PTPRN2: variants seen among roughly 807,000 people sequenced by gnomAD.
The protein encoded by PTPRN2 is protein tyrosine phosphatase receptor type N2, also known as receptor-type tyrosine-protein phosphatase N2.
A neutral mutation model predicts 118.8 loss-of-function variants in PTPRN2; 74 were observed. The ratio of observed to expected loss-of-function variants is 0.62; its 90% CI spans 0.52 to 0.76. The LOEUF is 0.76. Among genes scored for constraint, PTPRN2 ranks in the 30% least tolerant of loss-of-function variants. The pLI, the probability that PTPRN2 is intolerant of heterozygous loss-of-function variation, is 0.00. For missense variants in PTPRN2, 1,481 were observed against 1,394.4 expected, an observed-to-expected ratio of 1.06 and a Z score of -0.99; for synonymous variants, 641 against 608.0, an observed-to-expected ratio of 1.05 and a Z score of -0.80.
intron 2 of PTPRN2, among the ~76,000 whole-genome samples, chr7:158,448,687 C>T (rs538265582): frequency 1.3e-5 from 2 of 152,282 alleles, no homozygotes; most frequent in South Asian, 2.1e-4. Context: ...AAGTGTTCCC[C>T]GGGGCTCCCA....
chr7:158,450,394 G>T (rs1818015207), intron 2 of PTPRN2, among the ~76,000 whole-genome samples: 1 of 152,222 alleles, frequency 6.6e-6, no homozygotes, highest in Non-Finnish European at 1.5e-5. Flanking sequence ...ACACAACTGA[G>T]ATTCATTCTT....
In PTPRN2 at chr7:157,794,878, A is replaced by G. The variant is rs1804764070; in HGVS notation, c.1788+103795T>C. Among the ~76,000 whole-genome samples the G allele has an allele frequency of 6.6e-6, 1 of 152,260 alleles. No homozygotes were observed. The highest frequency in any genetic ancestry group is 2.1e-4 in the South Asian group (1 of 4,834). On this transcript the variant is annotated intron_variant, in intron 12 of 22. Coordinates refer to ENST00000389418, the MANE Select transcript of PTPRN2 (RefSeq NM_002847.5). This position sits in a 1 kb window ranked among gnomAD's most constrained non-coding sequence, Gnocchi z 5.2. ...TTCATATCTGCCTGCACTCATTGTCATGCTAAAGCACATCACCTCGGTCCT... is the reference window on the plus strand; with the variant it reads ...TTCATATCTGCCTGCACTCATTGTCGTGCTAAAGCACATCACCTCGGTCCT...
intron 3 of PTPRN2, among the ~76,000 whole-genome samples, chr7:158,289,349 C>T (rs1310438525): frequency 1.3e-5 from 2 of 152,162 alleles, no homozygotes; most frequent in Admixed American, 1.3e-4. Context: ...AAGCTTTCTT[C>T]ATTCCCGTTT....
At chr7:158,358,178 G>A (rs2151282350) in intron 2 of PTPRN2, among the ~76,000 whole-genome samples, 1 of 152,304 alleles carries the variant, frequency 6.6e-6, no homozygotes, top group Admixed American at 6.5e-5. Flanking sequence ...TCGGGAGGCT[G>A]CCCCAAACCA....
At chr7:157,604,155 C>T (rs1024078150) in intron 15 of PTPRN2, 80 bp from the exon 16 acceptor site, 1 of 1,325,816 alleles carries the variant, frequency 7.5e-7, no homozygotes, top group African/African-American at 1.4e-5. Context: ...TCCAGGGCCC[C>T]CCACCCAGCA....
intron 17 of PTPRN2, among the ~76,000 whole-genome samples, chr7:157,578,659 TATTCAG>T (rs1227860769): frequency 1.3e-4 from 20 of 152,256 alleles, no homozygotes; most frequent in Admixed American, 1.3e-3. Context: ...ATGGCAACAC[TATTCAG>T]ATTAAAGCAA....
intron 22 of PTPRN2, among the ~76,000 whole-genome samples, chr7:157,544,150 C>T (rs75095664): frequency 2.2e-5 from 3 of 139,180 alleles, no homozygotes; most frequent in African/African-American, 5.7e-5. Context: ...CGGAGAGAGA[C>T]GGAGAGAGGT....
At chr7:157,839,176 A>G (rs10227167) in intron 12 of PTPRN2, among the ~76,000 whole-genome samples, 32,541 of 152,248 alleles carry the variant, frequency 0.21, 6,146 homozygotes, top group African/African-American at 0.5. Flanking sequence ...AGACAGATTA[A>G]CACGTAATTG....
chr7:157,799,781 GAGTCACCACAATCGGCCTACCC>G (rs1805114533), intron 12 of PTPRN2, among the ~76,000 whole-genome samples: 1 of 146,502 alleles, frequency 6.8e-6, no homozygotes. Flanking sequence ...CCATCCCTCA[GAGTCACCACAATCGGCCTACCC>G]CGTCCCTCAG....
intron 2 of PTPRN2, among the ~76,000 whole-genome samples, chr7:158,388,403 A>G (rs1047629974): frequency 5.9e-5 from 9 of 151,898 alleles, no homozygotes; most frequent in Admixed American, 3.9e-4. Context: ...GCTGCCCACA[A>G]CCTCCTCGGG....
rs377530297 is a variant in PTPRN2 at position 157,854,095 on chromosome 7, C to T, written c.1788+44578G>A. Among the ~76,000 whole-genome samples the T allele has an allele frequency of 3.1e-3, 475 of 152,334 alleles. 3 individuals carry two copies. The highest frequency in any genetic ancestry group is 0.02 in the Middle Eastern group (6 of 294). ...TGGTGGGCGATGAATCTGCGGTTTGCGCCGCCCCGTCTGCTATGCTGTCAC... is the reference window on the plus strand; with the variant it reads ...TGGTGGGCGATGAATCTGCGGTTTGTGCCGCCCCGTCTGCTATGCTGTCAC... On this transcript the variant is annotated intron_variant, in intron 12 of 22. Coordinates refer to ENST00000389418, the MANE Select transcript of PTPRN2 (RefSeq NM_002847.5).
chr7:157,690,822 T>C lies in PTPRN2; in HGVS notation c.1789-7885A>G, dbSNP rs1462896206. On this transcript the variant is annotated intron_variant, in intron 12 of 22. Coordinates refer to ENST00000389418, the MANE Select transcript of PTPRN2 (RefSeq NM_002847.5). This position sits in a 1 kb window ranked among gnomAD's most constrained non-coding sequence, Gnocchi z 7.1. ...GCTCGGAGCCCGCAGGCGCCGGAGC[T>C]CTGCGCGGCCGCTCGGCCCAGCTCC... 6.7e-6 allele frequency among the ~76,000 whole-genome samples: 1 copy of C among 148,490 alleles called. No individual in the cohort carries two copies. The highest frequency in any genetic ancestry group is 1.5e-5 in the Non-Finnish European group (1 of 66,892).
In PTPRN2 at chr7:158,089,181, C is replaced by T. The variant is rs1263490638; in HGVS notation, c.1644-7804G>A. On this transcript the variant is annotated intron_variant, in intron 10 of 22. Coordinates refer to ENST00000389418, the MANE Select transcript of PTPRN2 (RefSeq NM_002847.5). ...GAAAGAGGGAGTCTTCACACACATCCTTCTTCCCCTGAGGAAAGGGGGAGT... is the reference window on the plus strand; with the variant it reads ...GAAAGAGGGAGTCTTCACACACATCTTTCTTCCCCTGAGGAAAGGGGGAGT... 1.1e-4 allele frequency among the ~76,000 whole-genome samples: 3 copies of T among 26,968 alleles called. 1 individual carries two copies. The highest frequency in any genetic ancestry group is 2.4e-4 in the African/African-American group (3 of 12,374). The allele number at this position is 26,968 out of a possible 152,430, so 17.7% of individuals were successfully genotyped here. A position where few individuals can be genotyped will look rare whatever the true frequency, so the allele number is the denominator to read the frequency against.
rs554907436 is a variant in PTPRN2 at position 158,108,357 on chromosome 7, C to T, written c.1643+2472G>A. Among the ~76,000 whole-genome samples, 29 of 152,226 alleles carry T rather than the reference C, an allele frequency of 1.9e-4. 1 individual carries two copies. Among genetic ancestry groups the T allele is most frequent in the Admixed American group, 4.6e-4 (7 of 15,296 alleles). On this transcript the variant is annotated intron_variant, in intron 10 of 22. Coordinates refer to ENST00000389418, the MANE Select transcript of PTPRN2 (RefSeq NM_002847.5). The stretch of plus-strand genomic sequence containing the variant: ...AGGTGGCCTCAGGGCTGCTCTCTCT[C>T]AGCTCTAGTCAGACCATCTCACTGT...
chr7:158,319,474 A>AGCCTCACTCACACACACACAC, intron 2 of PTPRN2, among the ~76,000 whole-genome samples: 1 of 54,446 alleles, frequency 1.8e-5, no homozygotes, highest in East Asian at 5.7e-4. Flanking sequence ...CCTCACACAC[A>AGCCTCACTCACACACACACAC]AGCACAGCCT....
intron 12 of PTPRN2, among the ~76,000 whole-genome samples, chr7:157,796,671 G>C (rs1019517525): frequency 6.6e-6 from 1 of 152,162 alleles, no homozygotes; most frequent in African/African-American, 2.4e-5. Context: ...AGGTTGCACA[G>C]GGAGCACGGC....
intron 2 of PTPRN2, among the ~76,000 whole-genome samples, chr7:158,389,302 C>T (rs549476866): frequency 3.9e-5 from 6 of 152,376 alleles, no homozygotes; most frequent in East Asian, 1.9e-4. Context: ...GTGGAGGACA[C>T]GCAGCCGTGT....
chr7:157,693,066 G>C (rs1298390172), intron 12 of PTPRN2, among the ~76,000 whole-genome samples: 1 of 151,916 alleles, frequency 6.6e-6, no homozygotes, highest in Non-Finnish European at 1.5e-5. Flanking sequence ...GGGGAGGGGA[G>C]GTGGCGCTGG....
chr7:158,048,775 ATCAC>A (rs1448204036), intron 11 of PTPRN2, among the ~76,000 whole-genome samples: 1 of 151,652 alleles, frequency 6.6e-6, no homozygotes, highest in Non-Finnish European at 1.5e-5. Context: ...CCTCACCATC[ATCAC>A]TATCATCCCA....
Sources: allele counts gnomAD v4.1 joint callset (sites outside exome capture counted in the v4.1 genomes callset), GRCh38; gene constraint gnomAD v4.1.1; non-coding constraint Gnocchi (gnomAD v3.1); transcripts MANE v1.5; gene names NCBI Gene and HGNC (gene_info 2026-07-23, HGNC 2026-07-21).